The following PRKAA2 variants were observed in gnomAD, a reference collection of about 807,000 sequenced individuals.
PRKAA2 encodes the protein 5'-AMP-activated protein kinase catalytic subunit alpha-2.
In PRKAA2, 40 loss-of-function variants were observed where a neutral mutation model predicts 56.3. The ratio of observed to expected loss-of-function variants is 0.71; its 90% CI spans 0.55 to 0.92. The LOEUF is 0.92. PRKAA2 is among the 40% of genes least tolerant of loss of function. The pLI, the probability that PRKAA2 is intolerant of heterozygous loss-of-function variation, is 0.00. For missense variants in PRKAA2, 542 were observed against 686.9 expected (o/e 0.79, Z 2.36); for synonymous variants, 214 against 234.2 (o/e 0.91, Z 0.79).
intron 2 of PRKAA2, among the ~76,000 whole-genome samples, chr1:56,690,535 T>C (rs956733390): frequency 6.6e-6 from 1 of 152,336 alleles, no homozygotes; most frequent in African/African-American, 2.4e-5. Flanking sequence ...ACTTTCCTGA[T>C]TGTTTCATAA....
rs762036952 is a variant in PRKAA2, at chr1:56,707,513, C to T, written c.1459C>T (p.Gln487Ter). The T allele has an allele frequency of 5.0e-6, 8 of 1,614,062 alleles. No individual in the cohort carries two copies. The highest frequency in any genetic ancestry group is 6.8e-6 in the Non-Finnish European group (8 of 1,180,042). Residue 487 changes from glutamine to a stop codon, truncating the protein, a stop_gained, in exon 9 of 9, where the codon CAG becomes TAG. Transcript: ENST00000371244. LOFTEE classifies it high-confidence loss of function. The part of the protein sequence containing the change: ...VEQRSGSSTP[Q>*]RSCSAAGLHR... ...GCAGAGATCTGGTTCCTCAACACCT[C>T]AGCGTTCCTGTTCTGCTGCTGGCTT...
intron 1 of PRKAA2, among the ~76,000 whole-genome samples, chr1:56,653,093 T>G (rs945614787): frequency 1.3e-5 from 2 of 151,852 alleles, no homozygotes; most frequent in African/African-American, 2.4e-5. Context: ...AGTAAATTGA[T>G]TTTACTTTTG....
chr1:56,697,965 C>G (rs1644269827), intron 6 of PRKAA2, among the ~76,000 whole-genome samples: 1 of 151,582 alleles, frequency 6.6e-6, no homozygotes, highest in Non-Finnish European at 1.5e-5. Flanking sequence ...CATCTCTATA[C>G]TTTAATATGA....
At chr1:56,706,290 T>C in intron 8 of PRKAA2, 72 bp downstream of exon 8, 2 of 1,547,678 alleles carry the variant, frequency 1.3e-6, no homozygotes, top group Non-Finnish European at 8.7e-7. Flanking sequence ...GTTAAAATCA[T>C]CTCGAAGACA....
chr1:56,702,863 CT>C (rs1644306213), intron 6 of PRKAA2, among the ~76,000 whole-genome samples: 1 of 152,164 alleles, frequency 6.6e-6, no homozygotes, highest in Admixed American at 6.6e-5. Context: ...ATATTTGTAA[CT>C]ATATTTTATG....
chr1:56,666,660 C>T (rs189898369), intron 1 of PRKAA2, among the ~76,000 whole-genome samples: 10 of 152,054 alleles, frequency 6.6e-5, no homozygotes, highest in Admixed American at 2.0e-4. Flanking sequence ...AAGCACAGTC[C>T]TTATGGGAAG....
At chr1:56,700,397 A>G (rs770795363) in intron 6 of PRKAA2, among the ~76,000 whole-genome samples, 3 of 152,162 alleles carry the variant, frequency 2.0e-5, no homozygotes, top group Non-Finnish European at 2.9e-5. Flanking sequence ...GCAGAGCCTC[A>G]AAATCTGCCA....
intron 6 of PRKAA2, among the ~76,000 whole-genome samples, chr1:56,701,406 T>C (rs1322346793): frequency 6.6e-6 from 1 of 150,524 alleles, no homozygotes; most frequent in African/African-American, 2.4e-5. Context: ...AAAAAAAATA[T>C]ATATAGAAAA....
chr1:56,656,679 G>A (rs1196079475), intron 1 of PRKAA2, among the ~76,000 whole-genome samples: 1 of 152,192 alleles, frequency 6.6e-6, no homozygotes, highest in Non-Finnish European at 1.5e-5. Flanking sequence ...ATGCTGGAGT[G>A]TACTGTATCC....
intron 1 of PRKAA2, among the ~76,000 whole-genome samples, chr1:56,669,493 G>A (rs566208084): frequency 6.6e-5 from 10 of 151,974 alleles, no homozygotes; most frequent in African/African-American, 2.4e-4. Context: ...TGCTGCTTGG[G>A]TTTAAACCCA....
intron 1 of PRKAA2, among the ~76,000 whole-genome samples, chr1:56,672,546 A>G (rs1383719178): frequency 6.6e-6 from 1 of 152,182 alleles, no homozygotes; most frequent in African/African-American, 2.4e-5. Flanking sequence ...GATGAATGAC[A>G]TAACATAAGG....
Position 56,691,420 on chromosome 1 carries a change from AT to A in PRKAA2, c.270del (p.Phe90LeufsTer3). On this transcript the variant is annotated frameshift_variant, in exon 3 of 9. Transcript: ENST00000371244. LOFTEE classifies it high-confidence loss of function. ...TACCAGGTGATCAGCACTCCAACAG[AT>A]TTTTTTATGGTAATGGAATATGTGT... ...KLYQVISTPT[D>X]FFMVMEYVSG... The A allele has an allele frequency of 6.2e-7, 1 of 1,612,560 alleles. No individual in the cohort carries two copies. The highest frequency in any genetic ancestry group is 1.1e-5 in the South Asian group (1 of 90,920).
chr1:56,693,628 T>C (rs1644241943), intron 4 of PRKAA2, 137 bp from the exon 5 acceptor site: 2 of 530,104 alleles, frequency 3.8e-6, no homozygotes. Context: ...GTTAAATGCT[T>C]TCCACTGCTT....
intron 6 of PRKAA2, among the ~76,000 whole-genome samples, chr1:56,699,711 A>G (rs2100432159): frequency 1.3e-5 from 2 of 152,236 alleles, no homozygotes; most frequent in South Asian, 4.2e-4. Flanking sequence ...TTCCAGAACT[A>G]TTTTATCATC....
At chr1:56,666,517 G>C (rs185038624) in intron 1 of PRKAA2, among the ~76,000 whole-genome samples, 23 of 152,296 alleles carry the variant, frequency 1.5e-4, no homozygotes, top group Non-Finnish European at 1.6e-4. Flanking sequence ...TGATGCATTG[G>C]AGATTTGGTG....
intron 1 of PRKAA2, among the ~76,000 whole-genome samples, chr1:56,648,197 C>T (rs1646659441): frequency 6.6e-6 from 1 of 152,122 alleles, no homozygotes; most frequent in Non-Finnish European, 1.5e-5. Flanking sequence ...CAGTAAGATT[C>T]TTTATACCCA....
chr1:56,655,280 A>ATATATACTTT, intron 1 of PRKAA2, among the ~76,000 whole-genome samples: 1 of 93,680 alleles, frequency 1.1e-5, no homozygotes, highest in African/African-American at 4.5e-5. Flanking sequence ...ATATATATAT[A>ATATATACTTT]TTTTTTTTTT....
chr1:56,655,948 G>A (rs1413472699), intron 1 of PRKAA2, among the ~76,000 whole-genome samples: 1 of 152,054 alleles, frequency 6.6e-6, no homozygotes, highest in Non-Finnish European at 1.5e-5. Context: ...TAAGAGACAG[G>A]GTGAAGATAA....
Position 56,709,680 on chromosome 1 carries a change from T to C in PRKAA2, c.*1967T>C, listed in dbSNP as rs1229948752. 6.6e-6 allele frequency: 1 copy of C among 152,094 alleles called. No homozygotes were observed. Among genetic ancestry groups the C allele is most frequent in the African/African-American group, 2.4e-5 (1 of 41,424 alleles). 9.4% of individuals were successfully genotyped at this position (152,094 alleles called of 1,614,324 possible). A position where few individuals can be genotyped will look rare whatever the true frequency, so the allele number is the denominator to read the frequency against. On this transcript the variant is annotated 3_prime_UTR_variant, in exon 9 of 9. Coordinates refer to ENST00000371244, the MANE Select transcript of PRKAA2 (RefSeq NM_006252.4). ...CCTTAGAAATAAGGAACTAATCAGA[T>C]TACTTAACCCCAATGACAAAATCCA... is the stretch of plus-strand genomic sequence containing the variant.
Sources: allele counts gnomAD v4.1 joint callset (sites outside exome capture counted in the v4.1 genomes callset), GRCh38; gene constraint gnomAD v4.1.1; transcripts MANE v1.5; gene names NCBI Gene and HGNC (gene_info 2026-07-23, HGNC 2026-07-21).